Variants in DCHS2 observed in about 807,000 individuals in gnomAD.
The protein encoded by DCHS2 is dachsous cadherin-related 2.
A neutral mutation model predicts 182.4 loss-of-function variants in DCHS2; 142 were observed. The ratio of observed to expected loss-of-function variants is 0.78; its 90% CI spans 0.68 to 0.89. The LOEUF (loss-of-function observed/expected upper bound fraction) is 0.89. Ranked by LOEUF, DCHS2 falls within the 40% of genes least tolerant of loss-of-function variation. The pLI, the probability that DCHS2 is intolerant of heterozygous loss-of-function variation, is 0.00. For missense variants in DCHS2, 4,319 were observed against 4,198.6 expected, an observed-to-expected ratio of 1.03 and a Z score of -0.79; for synonymous variants, 1,740 against 1,663.3, an observed-to-expected ratio of 1.05 and a Z score of -1.12.
At chr4:154,436,436 G>C (rs1013480626) in intron 1 of DCHS2, among the ~76,000 whole-genome samples, 1 of 152,054 alleles carries the variant, frequency 6.6e-6, no homozygotes, top group African/African-American at 2.4e-5. Context: ...TGCATGAAAA[G>C]CTATTATTTT....
intron 1 of DCHS2, among the ~76,000 whole-genome samples, chr4:154,378,385 G>A (rs1000925975): frequency 6.7e-6 from 1 of 149,730 alleles, no homozygotes; most frequent in Non-Finnish European, 1.5e-5. Context: ...CACCTACATA[G>A]CACTTACAAT....
At chr4:154,333,843 C>T in intron 4 of DCHS2, 1 of 236,002 alleles carries the variant, frequency 4.2e-6, no homozygotes, top group South Asian at 9.9e-5. Context: ...GATGTCTGCA[C>T]ACTGACAAAA....
chr4:154,391,445 G>T (rs1285125362), intron 1 of DCHS2: 12 of 1,171,154 alleles, frequency 1.0e-5, no homozygotes, highest in Non-Finnish European at 1.4e-5. Flanking sequence ...AAAATAGGCA[G>T]ATCAGAGAGT....
chr4:154,290,543 A>G (rs1356150967), intron 13 of DCHS2, among the ~76,000 whole-genome samples: 2 of 151,524 alleles, frequency 1.3e-5, no homozygotes, highest in Admixed American at 1.3e-4. Context: ...AAATTATACT[A>G]CAAAACTATA....
intron 1 of DCHS2, among the ~76,000 whole-genome samples, chr4:154,448,826 T>G (rs955129722): frequency 6.6e-6 from 1 of 152,224 alleles, no homozygotes; most frequent in Admixed American, 6.5e-5. Context: ...TTCAGCTCCA[T>G]GAACAATATT....
At chr4:154,438,879 C>T (rs1733885083) in intron 1 of DCHS2, among the ~76,000 whole-genome samples, 1 of 152,108 alleles carries the variant, frequency 6.6e-6, no homozygotes, top group Non-Finnish European at 1.5e-5. Flanking sequence ...TCCTACAAAC[C>T]CTCACTCTTC....
rs776060393 is a variant in DCHS2 at position 154,236,360 on chromosome 4, G to T, written c.8292C>A (p.Asp2764Glu). Residue 2764 changes from aspartate to glutamate, a missense_variant, in exon 20 of 20, where the codon GAC (aspartate) becomes GAA (glutamate). Asp to Glu is a conservative substitution (Grantham distance 45). Transcript: ENST00000357232. ...VVFVSVLDDN[D>E]HAPQFMFSSF... ...TTGAGAACATAAACTGAGGTGCATG[G>T]TCGTTATCATCCAGGACACTGACAA... 2 of 1,614,050 alleles carry T rather than the reference G, an allele frequency of 1.2e-6. No homozygotes were observed. The highest frequency in any genetic ancestry group is 1.7e-5 in the Admixed American group (1 of 60,018).
intron 15 of DCHS2, among the ~76,000 whole-genome samples, chr4:154,257,874 T>A (rs1266968614): frequency 4.6e-5 from 7 of 152,192 alleles, no homozygotes; most frequent in African/African-American, 1.7e-4. Context: ...GAAGGGCTGG[T>A]GGGTCAGGCT....
chr4:154,386,595 A>C (rs1731431397), intron 1 of DCHS2, among the ~76,000 whole-genome samples: 1 of 151,856 alleles, frequency 6.6e-6, no homozygotes, highest in Non-Finnish European at 1.5e-5. Context: ...TGTCTTCCCC[A>C]CTGGAATTTA....
chr4:154,332,644 G>A lies in DCHS2; in HGVS notation c.3564C>T (p.Ser1188=), dbSNP rs751773150. Residue 1188 remains serine, a synonymous_variant, in exon 5 of 20, where the codon TCC becomes TCT. Transcript: ENST00000357232. ...ACAACACATCATGCAAGAAGGTGGG[G>A]GAATTGTCATTCTCATCCCAGACAC... is the stretch of plus-strand genomic sequence containing the variant. The part of the protein sequence containing the change: ...IVRVWDENDN[S]PTFLHDVLFL... 7 of 1,614,214 alleles carry A rather than the reference G, an allele frequency of 4.3e-6. No individual in the cohort carries two copies. In the South Asian group the frequency reaches 7.7e-5, roughly 18 times the overall value.
At chr4:154,257,934 A>G (rs1032845849) in intron 15 of DCHS2, among the ~76,000 whole-genome samples, 3 of 152,104 alleles carry the variant, frequency 2.0e-5, no homozygotes, top group African/African-American at 2.4e-5. Flanking sequence ...GCCTTCACTT[A>G]TTTCACACTG....
intron 1 of DCHS2, among the ~76,000 whole-genome samples, chr4:154,405,780 C>T (rs1370989771): frequency 6.6e-6 from 1 of 152,138 alleles, no homozygotes; most frequent in African/African-American, 2.4e-5. Context: ...TAAATCTAAC[C>T]TTTGTGTCAA....
At chr4:154,446,685 T>A (rs888810389) in intron 1 of DCHS2, among the ~76,000 whole-genome samples, 1 of 151,964 alleles carries the variant, frequency 6.6e-6, no homozygotes, top group Non-Finnish European at 1.5e-5. Context: ...CTCCTCCAAA[T>A]GACATTACAT....
At chr4:154,447,806 G>A (rs1341731271) in intron 1 of DCHS2, among the ~76,000 whole-genome samples, 1 of 152,154 alleles carries the variant, frequency 6.6e-6, no homozygotes, top group African/African-American at 2.4e-5. Flanking sequence ...TGAAATAGAT[G>A]AATAAGAAAA....
chr4:154,463,098 C>T (rs571768873), intron 1 of DCHS2, among the ~76,000 whole-genome samples: 4 of 150,090 alleles, frequency 2.7e-5, no homozygotes, highest in South Asian at 2.1e-4. Context: ...TAGGTGTATA[C>T]ATATGTACAT....
At position 154,235,608 on chromosome 4, in the gene DCHS2, A is replaced by G. The variant is rs756871502; in HGVS notation, c.9044T>C (p.Met3015Thr). 2 of 1,613,976 alleles carry G rather than the reference A, an allele frequency of 1.2e-6. No homozygotes were observed. The highest frequency in any genetic ancestry group is 1.7e-5 in the Admixed American group (1 of 59,996). The change falls in exon 20 of 20, where the codon ATG (methionine) becomes ACG (threonine). Residue 3015 changes from methionine to threonine, a missense_variant. Coordinates refer to ENST00000357232, the MANE Select transcript of DCHS2 (RefSeq NM_001358235.2). ...GTCTTTTTGTTTATGTCTTAAAATCATTACAATTAGAATGCAGATGAGTAT... is the reference window on the plus strand; with the variant it reads ...GTCTTTTTGTTTATGTCTTAAAATCGTTACAATTAGAATGCAGATGAGTAT... ...FLILICILIV[M>T]ILRHKQKDTI...
At chr4:154,265,156 C>CA (rs892905882) in intron 14 of DCHS2, among the ~76,000 whole-genome samples, 2 of 151,880 alleles carry the variant, frequency 1.3e-5, no homozygotes, top group Non-Finnish European at 2.9e-5. Context: ...ATTTGCCAGA[C>CA]AAAAAATCAA....
chr4:154,333,388 G>A lies in DCHS2; in HGVS notation c.2820C>T (p.His940=). ...GTIRTRKPLD[H]ETQPVVVLTV... ...TGAGCACAACCACGGGCTGCGTCTC[G>A]TGATCCAGGGGCTTCCGGGTGCGAA... The change falls in exon 5 of 20, where the codon CAC becomes CAT. Residue 940 remains histidine, a synonymous_variant. Transcript: ENST00000357232. 2.5e-6 allele frequency: 4 copies of A among 1,614,152 alleles called. No individual in the cohort carries two copies. The highest frequency in any genetic ancestry group is 2.7e-5 in the African/African-American group (2 of 75,044).
At chr4:154,265,706 G>A (rs754465994) in intron 14 of DCHS2, among the ~76,000 whole-genome samples, 5 of 151,882 alleles carry the variant, frequency 3.3e-5, no homozygotes, top group Admixed American at 2.6e-4. Context: ...TGATGTGTAT[G>A]TTAATTGGCT....
Sources: gnomAD v4.1 joint callset for allele counts (sites outside exome capture counted in the v4.1 genomes callset) on GRCh38, gnomAD v4.1.1 for gene constraint, MANE v1.5 for transcripts, NCBI Gene and HGNC (gene_info 2026-07-23, HGNC 2026-07-21) for gene names.